The following PTPRN2 variants were observed in gnomAD, a reference collection of about 807,000 sequenced individuals.
PTPRN2 encodes the protein protein tyrosine phosphatase receptor type N2.
PTPRN2 carries 74 observed loss-of-function variants against 118.8 expected under a neutral mutation model. That is an observed-to-expected ratio of 0.62 (90% CI 0.52 to 0.76). The LOEUF (loss-of-function observed/expected upper bound fraction) is 0.76, where lower values mean the gene tolerates loss of function less well. PTPRN2 is among the 30% of genes least tolerant of loss of function. The probability of loss-of-function intolerance (pLI) is 0.00; values close to 1 mark genes in which losing one functional copy is unlikely to be tolerated. For missense variants in PTPRN2, 1,481 were observed against 1,394.4 expected (o/e 1.06, Z -0.99); for synonymous variants, 641 against 608.0 (o/e 1.05, Z -0.80).
At chr7:157,905,442 A>G (rs1305696327) in intron 11 of PTPRN2, among the ~76,000 whole-genome samples, 1 of 152,222 alleles carries the variant, frequency 6.6e-6, no homozygotes, top group Non-Finnish European at 1.5e-5. Context: ...GCCCGTTTTT[A>G]TCTTCATGGG....
chr7:158,274,336 G>A (rs565968795), intron 3 of PTPRN2, among the ~76,000 whole-genome samples: 1,696 of 6,928 alleles, frequency 0.24, 136 homozygotes, highest in African/African-American at 0.44. Context: ...GGGAGCCGCA[G>A]ACGCGGGAGA....
chr7:158,338,563 G>A (rs571063061), intron 2 of PTPRN2, among the ~76,000 whole-genome samples: 1 of 120,858 alleles, frequency 8.3e-6, no homozygotes, highest in African/African-American at 3.4e-5. Flanking sequence ...GGTGACACCT[G>A]CAGACGTCAC....
At chr7:158,109,871 AGGG>A in intron 10 of PTPRN2, among the ~76,000 whole-genome samples, 1 of 151,108 alleles carries the variant, frequency 6.6e-6, no homozygotes, top group Admixed American at 6.6e-5. Flanking sequence ...CCCTATGTGA[AGGG>A]GACAGTGAGT....
chr7:158,187,601 A>G (rs1422281359), intron 5 of PTPRN2, among the ~76,000 whole-genome samples: 2 of 152,228 alleles, frequency 1.3e-5, no homozygotes, highest in Non-Finnish European at 2.9e-5. Flanking sequence ...AACACTGGAC[A>G]GAAAAGAAAA....
intron 11 of PTPRN2, among the ~76,000 whole-genome samples, chr7:157,998,840 CTACTT>C (rs1263198038): frequency 2.7e-5 from 4 of 149,476 alleles, no homozygotes; most frequent in Admixed American, 6.7e-5. Context: ...AAAAAAAACT[CTACTT>C]CAAGTTGTAA....
At position 158,540,012 on chromosome 7, in the gene PTPRN2, G is replaced by A. The variant is rs112517400; in HGVS notation, c.112+47546C>T. Reference sequence around the variant, plus strand: ...GGGACATACTGTGAGCCTGGAGCTGGTGACGGCTGGGGACATACGGTGAGC... The same window carrying A: ...GGGACATACTGTGAGCCTGGAGCTGATGACGGCTGGGGACATACGGTGAGC... On this transcript the variant is annotated intron_variant, in intron 1 of 22. Coordinates refer to ENST00000389418, the MANE Select transcript of PTPRN2 (RefSeq NM_002847.5). 6.5e-3 allele frequency: 1,756 copies of A among 272,156 alleles called. 36 individuals are homozygous for A. Among genetic ancestry groups the A allele is most frequent in the African/African-American group, 0.038 (1,636 of 43,616 alleles). The allele number at this position is 272,156 out of a possible 1,614,324, so 16.9% of individuals were successfully genotyped here.
In PTPRN2 at chr7:158,171,153, CATAT is replaced by C. The variant is rs35916071; in HGVS notation, c.550-3866_550-3863del. Among the ~76,000 whole-genome samples, 113 of 120,732 alleles carry C rather than the reference CATAT, an allele frequency of 9.4e-4. 11 individuals are homozygous for C. The highest frequency in any genetic ancestry group is 1.2e-3 in the Non-Finnish European group (72 of 58,810). 79.2% of individuals were successfully genotyped at this position (120,732 alleles called of 152,430 possible). A position where few individuals can be genotyped will look rare whatever the true frequency, so the allele number is the denominator to read the frequency against. ...ACATATATACACACATATATATACACATATATATACACACATATATACACATATA... is the reference window on the plus strand; with the variant it reads ...ACATATATACACACATATATATACACATATACACACATATATACACATATA... On this transcript the variant is annotated intron_variant, in intron 5 of 22. Transcript: ENST00000389418.
intron 12 of PTPRN2, among the ~76,000 whole-genome samples, chr7:157,766,287 C>T (rs553413666): frequency 1.3e-3 from 201 of 151,036 alleles, no homozygotes; most frequent in African/African-American, 4.7e-3. Context: ...TTCACCCACA[C>T]ATCCATCATC....
At chr7:157,684,055 T>G (rs1172488646) in intron 12 of PTPRN2, among the ~76,000 whole-genome samples, 3 of 152,078 alleles carry the variant, frequency 2.0e-5, no homozygotes, top group Non-Finnish European at 4.4e-5. Flanking sequence ...AACTCTTCAT[T>G]TCCTCCCGTC....
intron 10 of PTPRN2, among the ~76,000 whole-genome samples, chr7:158,094,084 C>CA (rs1814426454): frequency 6.6e-6 from 1 of 152,176 alleles, no homozygotes; most frequent in Admixed American, 6.5e-5. Context: ...TGGAAGAAAA[C>CA]AGATTGTTCA....
At chr7:157,677,786 C>T (rs1055966632) in intron 13 of PTPRN2, among the ~76,000 whole-genome samples, 4 of 152,246 alleles carry the variant, frequency 2.6e-5, no homozygotes, top group Admixed American at 6.5e-5. Context: ...CTTCCGATTT[C>T]CTTCACATCA....
chr7:158,403,614 G>A (rs1002051538), intron 2 of PTPRN2, among the ~76,000 whole-genome samples: 2 of 152,200 alleles, frequency 1.3e-5, no homozygotes, highest in South Asian at 2.1e-4. Context: ...TTCTGTTCAC[G>A]CTGCCTGTCG....
chr7:157,594,308 C>G (rs1424179505), intron 17 of PTPRN2, among the ~76,000 whole-genome samples: 1 of 152,240 alleles, frequency 6.6e-6, no homozygotes, highest in Non-Finnish European at 1.5e-5. Flanking sequence ...AGTGAATTTA[C>G]CAACTCCGGT....
At chr7:157,720,570 C>T (rs1367491820) in intron 12 of PTPRN2, among the ~76,000 whole-genome samples, 1 of 152,256 alleles carries the variant, frequency 6.6e-6, no homozygotes, top group Non-Finnish European at 1.5e-5. Context: ...CCCGGCTGCA[C>T]CGATGCATGG....
rs1456830335 is a variant in PTPRN2, at chr7:158,251,642, C to T, written c.278-46369G>A. The stretch of plus-strand genomic sequence containing the variant: ...GTGTGCAATGGATGTCTATGGTGCA[C>T]ATGTGGTGTGCACAGGTGTGCAATG... On this transcript the variant is annotated intron_variant, in intron 3 of 22. Transcript: ENST00000389418. Among the ~76,000 whole-genome samples the T allele has an allele frequency of 8.2e-5, 8 of 97,042 alleles. 1 individual carries two copies. Among genetic ancestry groups the T allele is most frequent in the East Asian group, 3.6e-4 (1 of 2,786 alleles). 63.7% of individuals were successfully genotyped at this position (97,042 alleles called of 152,430 possible).
chr7:158,501,482 T>C (rs192592361), intron 1 of PTPRN2, among the ~76,000 whole-genome samples: 3 of 152,302 alleles, frequency 2.0e-5, no homozygotes, highest in Non-Finnish European at 4.4e-5. Flanking sequence ...CCTGTTCCCA[T>C]CCCCGACACA....
At chr7:157,628,077 T>A (rs554650357) in intron 14 of PTPRN2, among the ~76,000 whole-genome samples, 1 of 152,312 alleles carries the variant, frequency 6.6e-6, no homozygotes, top group Non-Finnish European at 1.5e-5. Flanking sequence ...TTAAGGACAG[T>A]CACTGGGTCA....
At chr7:157,864,965 G>A (rs758566043) in intron 12 of PTPRN2, 11 of 152,250 alleles carry the variant, frequency 7.2e-5, no homozygotes, top group South Asian at 2.1e-4. Flanking sequence ...GTGTGGGGTC[G>A]TGGTAGGACC....
intron 11 of PTPRN2, among the ~76,000 whole-genome samples, chr7:158,071,584 TG>T (rs1811716914): frequency 3.2e-4 from 6 of 18,632 alleles, no homozygotes; most frequent in South Asian, 2.9e-3. Flanking sequence ...GAGGTGCTCC[TG>T]GTGGAGGTGC....
Sources: gnomAD v4.1 joint callset for allele counts (sites outside exome capture counted in the v4.1 genomes callset) on GRCh38, gnomAD v4.1.1 for gene constraint, MANE v1.5 for transcripts, NCBI Gene and HGNC (gene_info 2026-07-23, HGNC 2026-07-21) for gene names.